The following SMYD3 variants were observed in gnomAD, a reference collection of about 807,000 sequenced individuals.
SMYD3 encodes the protein SET and MYND domain containing 3, also known as histone-lysine N-methyltransferase SMYD3.
SMYD3 carries 36 observed loss-of-function variants against 57.7 expected under a neutral mutation model. That is an observed-to-expected ratio of 0.62 (90% CI 0.48 to 0.82). SMYD3 has a LOEUF of 0.82. SMYD3 is among the 40% of genes least tolerant of loss of function. SMYD3 has a pLI of 0.00. For synonymous variants in SMYD3, 211 were observed against 195.0 expected (o/e 1.08, Z -0.68); for missense variants, 515 against 538.8 (o/e 0.96, Z 0.44).
chr1:246,070,671 G>A (rs545185318), intron 5 of SMYD3, among the ~76,000 whole-genome samples: 61 of 152,176 alleles, frequency 4.0e-4, no homozygotes, highest in Non-Finnish European at 7.3e-4. Flanking sequence ...AGTGAATGGC[G>A]AGATAAAGTG....
At chr1:245,817,659 G>C (rs1314604765) in intron 10 of SMYD3, among the ~76,000 whole-genome samples, 1 of 151,624 alleles carries the variant, frequency 6.6e-6, no homozygotes, top group African/African-American at 2.4e-5. Context: ...AAAAAATTTA[G>C]AAGAATGTAT....
intron 10 of SMYD3, among the ~76,000 whole-genome samples, chr1:245,847,714 T>TC (rs2050735447): frequency 6.6e-6 from 1 of 152,142 alleles, no homozygotes; most frequent in Admixed American, 6.5e-5. Context: ...TCCCTAGGAA[T>TC]TTGGTATCCT....
chr1:245,789,693 C>A (rs1464743249), intron 10 of SMYD3, among the ~76,000 whole-genome samples: 1 of 152,180 alleles, frequency 6.6e-6, no homozygotes, highest in Admixed American at 6.5e-5. Flanking sequence ...CCACCATTTT[C>A]CAATTCTCCT....
At chr1:245,750,440 C>T (rs1284468525) in intron 11 of SMYD3, among the ~76,000 whole-genome samples, 1 of 152,154 alleles carries the variant, frequency 6.6e-6, no homozygotes, top group Non-Finnish European at 1.5e-5. Context: ...AGACAAGGCA[C>T]CAGACATGTA....
At chr1:246,134,465 C>T (rs1166869054) in intron 5 of SMYD3, among the ~76,000 whole-genome samples, 1 of 151,574 alleles carries the variant, frequency 6.6e-6, no homozygotes, top group Non-Finnish European at 1.5e-5. Context: ...AATTATATAC[C>T]CATGATTTTC....
chr1:245,914,384 A>G (rs548478281), intron 8 of SMYD3, among the ~76,000 whole-genome samples: 8 of 152,372 alleles, frequency 5.3e-5, no homozygotes, highest in Non-Finnish European at 7.3e-5. Flanking sequence ...ATGTCCATCA[A>G]TGGAAAAATG....
At chr1:245,874,303 C>G (rs2052374668) in intron 8 of SMYD3, among the ~76,000 whole-genome samples, 1 of 152,150 alleles carries the variant, frequency 6.6e-6, no homozygotes, top group African/African-American at 2.4e-5. Flanking sequence ...ATATTCCAAG[C>G]TTGGGTAAAC....
intron 5 of SMYD3, among the ~76,000 whole-genome samples, chr1:246,157,908 C>T (rs186116720): frequency 1.7e-4 from 26 of 152,312 alleles, no homozygotes; most frequent in East Asian, 3.9e-4. Context: ...GCCAGTGAGA[C>T]CCCACTAGGT....
chr1:246,255,111 C>T (rs993489350), intron 5 of SMYD3, among the ~76,000 whole-genome samples: 10 of 151,970 alleles, frequency 6.6e-5, no homozygotes, highest in African/African-American at 2.2e-4. Context: ...TAATTGGATG[C>T]CTTTTCTTTT....
chr1:245,822,426 C>T (rs1246374504), intron 10 of SMYD3, among the ~76,000 whole-genome samples: 3 of 149,988 alleles, frequency 2.0e-5, no homozygotes, highest in Non-Finnish European at 4.4e-5. Context: ...AGGGATAGCA[C>T]TGGGAGATAT....
intron 5 of SMYD3, among the ~76,000 whole-genome samples, chr1:246,044,814 G>T (rs1383635892): frequency 6.6e-6 from 1 of 152,138 alleles, no homozygotes; most frequent in Admixed American, 6.5e-5. Context: ...CAGTGGTGAA[G>T]TGTTAAAGCC....
intron 2 of SMYD3, among the ~76,000 whole-genome samples, chr1:246,347,955 CA>C (rs1340700117): frequency 6.6e-6 from 1 of 151,052 alleles, no homozygotes; most frequent in Non-Finnish European, 1.5e-5. Context: ...GTCATTCTAC[CA>C]AAAAGACACA....
At chr1:246,460,741 G>C (rs946001) in intron 1 of SMYD3, among the ~76,000 whole-genome samples, 59,455 of 152,092 alleles carry the variant, frequency 0.39, 13,242 homozygotes, top group East Asian at 0.63. Flanking sequence ...CTTGAAAACA[G>C]TTGTTGGTTT....
At chr1:246,224,118 C>T (rs561099174) in intron 5 of SMYD3, among the ~76,000 whole-genome samples, 5 of 152,098 alleles carry the variant, frequency 3.3e-5, no homozygotes, top group Admixed American at 2.6e-4. Flanking sequence ...ACAAGACTGG[C>T]AAAAGGACTC....
intron 5 of SMYD3, among the ~76,000 whole-genome samples, chr1:246,318,312 G>T (rs2065196588): frequency 6.6e-6 from 1 of 152,156 alleles, no homozygotes. Context: ...GTTCAAGGCT[G>T]CAGTGAGCTA....
At chr1:246,428,625 T>C (rs1430039230) in intron 1 of SMYD3, among the ~76,000 whole-genome samples, 1 of 152,206 alleles carries the variant, frequency 6.6e-6, no homozygotes, top group Non-Finnish European at 1.5e-5. Flanking sequence ...AGTTAGTGAG[T>C]AGCAGAGCTG....
intron 5 of SMYD3, among the ~76,000 whole-genome samples, chr1:246,167,512 C>CTTT (rs199801290): frequency 7.3e-6 from 1 of 137,820 alleles, no homozygotes. Flanking sequence ...GTTTTTTTTT[C>CTTT]TTTTTTTTTT....
At chr1:246,459,545 G>A (rs2067763890) in intron 1 of SMYD3, among the ~76,000 whole-genome samples, 1 of 152,168 alleles carries the variant, frequency 6.6e-6, no homozygotes, top group South Asian at 2.1e-4. Flanking sequence ...CTCCTGCTCT[G>A]TCATGGTAAG....
At chr1:246,392,276 T>C (rs1044003121) in intron 1 of SMYD3, among the ~76,000 whole-genome samples, 17 of 152,052 alleles carry the variant, frequency 1.1e-4, no homozygotes, top group African/African-American at 3.9e-4. Context: ...TCACAACTCA[T>C]ATCAGAGGAA....
Sources: gnomAD v4.1 joint callset for allele counts (sites outside exome capture counted in the v4.1 genomes callset) on GRCh38, gnomAD v4.1.1 for gene constraint, MANE v1.5 for transcripts, NCBI Gene and HGNC (gene_info 2026-07-23, HGNC 2026-07-21) for gene names.